Variants in SEMA4D observed in about 807,000 individuals in gnomAD.
SEMA4D encodes semaphorin 4D.
A neutral mutation model predicts 74.8 loss-of-function variants in SEMA4D; 22 were observed. That is an observed-to-expected ratio of 0.29 (90% confidence interval 0.21 to 0.42). The LOEUF (loss-of-function observed/expected upper bound fraction) is 0.42, where lower values mean the gene tolerates loss of function less well. SEMA4D is among the 10% of genes least tolerant of loss of function. The pLI, the probability that SEMA4D is intolerant of heterozygous loss-of-function variation, is 1.00. For synonymous variants in SEMA4D, 445 were observed against 463.7 expected (o/e 0.96, Z 0.52); for missense variants, 937 against 1,118.4 (o/e 0.84, Z 2.31).
At chr9:89,403,648 T>C (rs908927676) in intron 3 of SEMA4D, among the ~76,000 whole-genome samples, 2 of 152,258 alleles carry the variant, frequency 1.3e-5, no homozygotes, top group Non-Finnish European at 2.9e-5. Flanking sequence ...CAATAGCTGC[T>C]TAAGAATAAT....
At chr9:89,385,441 T>C (rs1196022067) in intron 13 of SEMA4D, 2 of 985,274 alleles carry the variant, frequency 2.0e-6, no homozygotes, top group African/African-American at 3.5e-5. Context: ...GGCCCCACAG[T>C]GGCTAAAGCG....
At chr9:89,387,722 A>C (rs968406437) in intron 11 of SEMA4D, 114 bp from the exon 12 acceptor site, 2 of 786,492 alleles carry the variant, frequency 2.5e-6, no homozygotes, top group Non-Finnish European at 4.2e-6. Flanking sequence ...CACACAATGC[A>C]TGCCTTGAAA....
intron 16 of SEMA4D, among the ~76,000 whole-genome samples, chr9:89,370,750 G>A (rs1207853047): frequency 7.0e-6 from 1 of 142,334 alleles, no homozygotes; most frequent in African/African-American, 2.6e-5. Flanking sequence ...TGTGTGGGGT[G>A]TGGTTGTGAG....
At chr9:89,371,975 TGTGTGTCTGGG>T (rs1835019885) in intron 16 of SEMA4D, among the ~76,000 whole-genome samples, 2 of 2,604 alleles carry the variant, frequency 7.7e-4, no homozygotes, top group South Asian at 0.019. Context: ...TGGGGTGTGG[TGTGTGTCTGGG>T]GTGTGGTGTG....
intron 1 of SEMA4D, among the ~76,000 whole-genome samples, chr9:89,466,543 G>A (rs1024138617): frequency 1.4e-4 from 22 of 152,168 alleles, no homozygotes; most frequent in African/African-American, 3.6e-4. Context: ...TGACCTTTCT[G>A]TCTAGACCAT....
intron 2 of SEMA4D, among the ~76,000 whole-genome samples, chr9:89,412,925 G>C (rs913875208): frequency 2.6e-5 from 4 of 152,022 alleles, no homozygotes; most frequent in African/African-American, 9.7e-5. Context: ...CAGATCTGCC[G>C]GCCCTGCGAG....
chr9:89,407,193 A>G lies in SEMA4D; in HGVS notation c.-243-1494T>C, dbSNP rs190413677. Among the ~76,000 whole-genome samples the G allele has an allele frequency of 7.9e-5, 12 of 152,320 alleles. 1 individual carries two copies. Among genetic ancestry groups the G allele is most frequent in the Admixed American group, 6.5e-4 (10 of 15,298 alleles). On this transcript the variant is annotated intron_variant, in intron 2 of 15. Coordinates refer to ENST00000422704, the MANE Select transcript of SEMA4D (RefSeq NM_001371194.2). ...GGGTTGGCAGTGTGCCCAGCTCACT[A>G]TATCTCCCAGCTTCTCTGGTGAGAG...
chr9:89,366,664 G>C (rs534664542), intron 16 of SEMA4D, among the ~76,000 whole-genome samples: 1 of 152,322 alleles, frequency 6.6e-6, no homozygotes, highest in African/African-American at 2.4e-5. Context: ...GTACATCTAG[G>C]TGCCCATCAA....
At chr9:89,383,679 C>T (rs1159503558) in intron 13 of SEMA4D, among the ~76,000 whole-genome samples, 1 of 152,200 alleles carries the variant, frequency 6.6e-6, no homozygotes, top group Non-Finnish European at 1.5e-5. Context: ...CTATGTGAGA[C>T]ATCGGACATG....
At chr9:89,454,090 T>C (rs1855338774) in intron 2 of SEMA4D, among the ~76,000 whole-genome samples, 1 of 152,160 alleles carries the variant, frequency 6.6e-6, no homozygotes, top group South Asian at 2.1e-4. Context: ...ATAGAATATA[T>C]GACTTAATCT....
intron 1 of SEMA4D, among the ~76,000 whole-genome samples, chr9:89,493,567 A>G (rs1239773336): frequency 6.6e-6 from 1 of 152,214 alleles, no homozygotes; most frequent in African/African-American, 2.4e-5. Flanking sequence ...AAGTCAAAAC[A>G]CACACACAAA....
chr9:89,490,001 A>T (rs1310398309), intron 1 of SEMA4D, among the ~76,000 whole-genome samples: 1 of 150,506 alleles, frequency 6.6e-6, no homozygotes, highest in Non-Finnish European at 1.5e-5. Context: ...CCATAACCTC[A>T]CCTACGCTTG....
At chr9:89,444,483 G>A (rs577954249) in intron 2 of SEMA4D, among the ~76,000 whole-genome samples, 3 of 152,224 alleles carry the variant, frequency 2.0e-5, no homozygotes, top group Non-Finnish European at 4.4e-5. Flanking sequence ...CAGCGAGTGG[G>A]ATGGAGGATC....
chr9:89,466,023 C>A (rs1564892943), intron 1 of SEMA4D, among the ~76,000 whole-genome samples: 1 of 152,152 alleles, frequency 6.6e-6, no homozygotes, highest in African/African-American at 2.4e-5. Flanking sequence ...CTCACTGGAG[C>A]ACTGGGGCTT....
At chr9:89,373,447 A>C (rs1835382642), downstream of SEMA4D, among the ~76,000 whole-genome samples, 1 of 152,132 alleles carries the variant, frequency 6.6e-6, no homozygotes, top group Admixed American at 6.5e-5. Context: ...CCCAGTCCCC[A>C]AGTGCAACCC....
chr9:89,383,899 G>A (rs996834085), intron 13 of SEMA4D, among the ~76,000 whole-genome samples: 11 of 152,250 alleles, frequency 7.2e-5, no homozygotes, highest in African/African-American at 2.6e-4. Context: ...CTGGGCCTGA[G>A]GATTGTCCCC....
chr9:89,450,660 G>GAAAAAAAAAAAAAAA (rs71358578), intron 2 of SEMA4D: 1 of 380,628 alleles, frequency 2.6e-6, no homozygotes, highest in Admixed American at 5.3e-5. Context: ...AAAAACCCAG[G>GAAAAAAAAAAAAAAA]AAAAAAAAAA....
Position 89,492,709 on chromosome 9 carries a change from T to C in SEMA4D, c.-310+5210A>G, listed in dbSNP as rs974538307. ...CCCTTGCTTGCTGCAACAGCCCTCA[T>C]GGGATCCATCACAGTCCTGTTGGCT... is the stretch of plus-strand genomic sequence containing the variant. On this transcript the variant is annotated intron_variant, in intron 1 of 15. Coordinates refer to ENST00000422704, the MANE Select transcript of SEMA4D (RefSeq NM_001371194.2). The surrounding 1 kb of genome is among the most constrained non-coding windows in gnomAD (Gnocchi z 4.3). Among the ~76,000 whole-genome samples the C allele has an allele frequency of 6.6e-6, 1 of 152,176 alleles. No homozygotes were observed. The highest frequency in any genetic ancestry group is 2.4e-5 in the African/African-American group (1 of 41,432).
chr9:89,402,351 T>A lies in SEMA4D; in HGVS notation c.252+520A>T, dbSNP rs376777466. ...CCAGCTGCAATGGATTGGGACAGCG[T>A]GGTTGCAACCTGATTCAAACTAAAC... On this transcript the variant is annotated intron_variant, in intron 4 of 15. Coordinates refer to ENST00000422704, the MANE Select transcript of SEMA4D (RefSeq NM_001371194.2). Among the ~76,000 whole-genome samples the A allele has an allele frequency of 3.3e-5, 5 of 152,300 alleles. No individual in the cohort carries two copies. In the East Asian group the frequency reaches 5.8e-4, roughly 18 times the overall value.
Sources: allele counts gnomAD v4.1 joint callset (sites outside exome capture counted in the v4.1 genomes callset), GRCh38; gene constraint gnomAD v4.1.1; non-coding constraint Gnocchi (gnomAD v3.1); transcripts MANE v1.5; gene names NCBI Gene and HGNC (gene_info 2026-07-23, HGNC 2026-07-21).